PLEKHG4B: variants seen among roughly 807,000 people sequenced by gnomAD.
PLEKHG4B encodes the protein pleckstrin homology domain-containing family G member 4B.
A neutral mutation model predicts 121.3 loss-of-function variants in PLEKHG4B; 111 were observed. The ratio of observed to expected loss-of-function variants is 0.92; its 90% CI spans 0.78 to 1.07. The LOEUF (loss-of-function observed/expected upper bound fraction) is 1.07. Among genes scored for constraint, PLEKHG4B ranks in the 50% least tolerant of loss-of-function variants. The probability of loss-of-function intolerance (pLI) is 0.00; values close to 1 mark genes in which losing one functional copy is unlikely to be tolerated. For missense variants in PLEKHG4B, 1,831 were observed against 1,757.8 expected, an observed-to-expected ratio of 1.04 and a Z score of -0.74; for synonymous variants, 738 against 725.0, an observed-to-expected ratio of 1.02 and a Z score of -0.29.
rs1553984840 is a variant in PLEKHG4B, at chr5:133,941, C to CAT, written c.244-5533_244-5532dup. Among the ~76,000 whole-genome samples the CAT allele has an allele frequency of 2.9e-3, 420 of 146,346 alleles. 4 individuals are homozygous for CAT. The highest frequency in any genetic ancestry group is 0.01 in the African/African-American group (405 of 39,168). On this transcript the variant is annotated intron_variant, in intron 2 of 19. Coordinates refer to ENST00000637938, the MANE Select transcript of PLEKHG4B (RefSeq NM_052909.5). ...ACACACGCACACACACACACACACA[C>CAT]ATATATATATGGTGGAATATATATA...
chr5:170,904 C>T, intron 14 of PLEKHG4B, 139 bp from the exon 15 acceptor site: 1 of 652,774 alleles, frequency 1.5e-6, no homozygotes, highest in Non-Finnish European at 2.7e-6. Context: ...GCCGAGTCTC[C>T]CTTTCACCTG....
At position 130,580 on chromosome 5, in the gene PLEKHG4B, G is replaced by A. The variant is rs1734750384; in HGVS notation, c.244-8903G>A. ...CTGTTAATTGTCTCAGGAATTTCAGGCTCCTGGACAGCTTTGTGAAAGCTC... is the reference window on the plus strand; with the variant it reads ...CTGTTAATTGTCTCAGGAATTTCAGACTCCTGGACAGCTTTGTGAAAGCTC... On this transcript the variant is annotated intron_variant, in intron 2 of 19. Coordinates refer to ENST00000637938, the MANE Select transcript of PLEKHG4B (RefSeq NM_052909.5). 3.3e-5 allele frequency among the ~76,000 whole-genome samples: 5 copies of A among 152,154 alleles called. No individual in the cohort carries two copies. The South Asian group carries it at 8.3e-4, about 25-fold the overall frequency.
intron 2 of PLEKHG4B, among the ~76,000 whole-genome samples, chr5:127,079 A>G (rs973464003): frequency 6.6e-6 from 1 of 152,196 alleles, no homozygotes; most frequent in African/African-American, 2.4e-5. Flanking sequence ...AAAGAAGGGA[A>G]GACGGAGCTG....
intron 1 of PLEKHG4B, among the ~76,000 whole-genome samples, chr5:107,135 C>T (rs1733997405): frequency 6.6e-6 from 1 of 152,218 alleles, no homozygotes; most frequent in African/African-American, 2.4e-5. Context: ...TAATGCTCAG[C>T]CAACTGTAAA....
chr5:94,925 T>A (rs1418898735), intron 1 of PLEKHG4B, among the ~76,000 whole-genome samples: 1 of 152,128 alleles, frequency 6.6e-6, no homozygotes, highest in African/African-American at 2.4e-5. Context: ...AGAGTCAAAC[T>A]TGAAAAGAGA....
intron 2 of PLEKHG4B, among the ~76,000 whole-genome samples, chr5:123,226 G>A (rs912962768): frequency 6.6e-6 from 1 of 151,498 alleles, no homozygotes; most frequent in African/African-American, 2.4e-5. Context: ...TGACTACAGT[G>A]TTATTAAACC....
At chr5:147,880 G>T (rs775924683) in intron 6 of PLEKHG4B, among the ~76,000 whole-genome samples, 4 of 152,122 alleles carry the variant, frequency 2.6e-5, no homozygotes, top group Admixed American at 6.5e-5. Context: ...AGGCTGAAAG[G>T]ATTATACACC....
chr5:178,234 C>T (rs375101065), intron 18 of PLEKHG4B, among the ~76,000 whole-genome samples: 104 of 152,338 alleles, frequency 6.8e-4, no homozygotes, highest in South Asian at 6.2e-3. Context: ...CATCAGGAAA[C>T]GCCCTCTCCC....
intron 1 of PLEKHG4B, among the ~76,000 whole-genome samples, chr5:96,202 C>A (rs1273700301): frequency 6.6e-6 from 1 of 152,200 alleles, no homozygotes; most frequent in Non-Finnish European, 1.5e-5. Context: ...CCCTGGTCCT[C>A]ACCTTAATCA....
At position 115,305 on chromosome 5, in the gene PLEKHG4B, A is replaced by C. The variant is rs559951042; in HGVS notation, c.243+1857A>C. On this transcript the variant is annotated intron_variant, in intron 2 of 19. Coordinates refer to ENST00000637938, the MANE Select transcript of PLEKHG4B (RefSeq NM_052909.5). ...TCTCAACAGTGGGCTTAAAATATCGAGTAAACCATGCTGTAAACAGACGTG... is the reference window on the plus strand; with the variant it reads ...TCTCAACAGTGGGCTTAAAATATCGCGTAAACCATGCTGTAAACAGACGTG... Among the ~76,000 whole-genome samples, 3 of 152,320 alleles carry C rather than the reference A, an allele frequency of 2.0e-5. No individual in the cohort carries two copies. The South Asian group carries it at 6.2e-4, about 32-fold the overall frequency.
At position 140,597 on chromosome 5, in the gene PLEKHG4B, C is replaced by T. The variant is rs370207841; in HGVS notation, c.1358C>T (p.Ala453Val). 1.3e-4 allele frequency: 217 copies of T among 1,610,380 alleles called. No homozygotes were observed. Among genetic ancestry groups the T allele is most frequent in the Non-Finnish European group, 1.8e-4 (208 of 1,178,784 alleles). ...APRSSRGAQA[A>V]ACHTSHHSAG... ...AGAAGCTCCAGAGGGGCCCAGGCTG[C>T]AGCCTGCCACACCTCCCACCACTCA... Residue 453 changes from alanine to valine, a missense_variant, in exon 3 of 20, where the codon GCA becomes GTA. Transcript: ENST00000637938.
chr5:154,844 G>C, intron 7 of PLEKHG4B, 31 bp from the exon 8 acceptor site: 1 of 1,549,678 alleles, frequency 6.5e-7, no homozygotes, highest in East Asian at 2.2e-5. Context: ...TGCATCTGGA[G>C]CCATGACCAA....
At chr5:161,978 C>T in intron 12 of PLEKHG4B, 34 bp downstream of exon 12, 1 of 1,576,940 alleles carries the variant, frequency 6.3e-7, no homozygotes. Context: ...TCCCAGGGAT[C>T]CCGGCTCCTT....
At chr5:111,466 T>C (rs115247878) in intron 1 of PLEKHG4B, among the ~76,000 whole-genome samples, 9 of 152,340 alleles carry the variant, frequency 5.9e-5, no homozygotes, top group African/African-American at 1.9e-4. Context: ...TCCTTCCTTA[T>C]GTCGGGCGGT....
intron 1 of PLEKHG4B, among the ~76,000 whole-genome samples, chr5:101,436 A>G (rs1210274376): frequency 1.6e-5 from 2 of 125,480 alleles, no homozygotes; most frequent in South Asian, 2.3e-4. Flanking sequence ...AGGTAAATCC[A>G]TATAAAGCCC....
chr5:162,567 G>A (rs922547515), intron 12 of PLEKHG4B, among the ~76,000 whole-genome samples, 155 bp from the exon 13 acceptor site: 2 of 152,252 alleles, frequency 1.3e-5, no homozygotes, highest in East Asian at 1.9e-4. Flanking sequence ...CGCTGAACCC[G>A]GCCACAGCCC....
chr5:171,301 C>T lies in PLEKHG4B; in HGVS notation c.3907C>T (p.Leu1303Phe). The T allele has an allele frequency of 6.2e-7, 1 of 1,612,504 alleles. No homozygotes were observed. Among genetic ancestry groups the T allele is most frequent in the Non-Finnish European group, 8.5e-7 (1 of 1,179,748 alleles). Residue 1303 changes from leucine to phenylalanine, a missense_variant, in exon 16 of 20, where the codon CTC (leucine) becomes TTC (phenylalanine). Transcript: ENST00000637938. ...GCGTGTGGCCAAGTACGCGCTGCTA[C>T]TCCAGGACCTGCTCAAGGAGGCCAG... is the stretch of plus-strand genomic sequence containing the variant. The part of the protein sequence containing the change: ...VQRVAKYALL[L>F]QDLLKEASCG...
intron 3 of PLEKHG4B, 120 bp downstream of exon 3, chr5:140,836 C>T: frequency 1.4e-6 from 1 of 698,660 alleles, no homozygotes; most frequent in Non-Finnish European, 2.2e-6. Context: ...CCCTGCACAC[C>T]ACCACAACCT....
Position 149,162 on chromosome 5 carries a change from A to G in PLEKHG4B, c.1906-2351A>G, listed in dbSNP as rs150845287. Among the ~76,000 whole-genome samples, 1,265 of 152,328 alleles carry G rather than the reference A, an allele frequency of 8.3e-3. 55 individuals are homozygous for G. The highest frequency in any genetic ancestry group is 0.07 in the Admixed American group (1,074 of 15,292). Reference sequence around the variant, plus strand: ...AAGTTTTCTAACATTGGATTTGGCAATGATTTATTAGATATAATATCAGAG... The same window carrying G: ...AAGTTTTCTAACATTGGATTTGGCAGTGATTTATTAGATATAATATCAGAG... On this transcript the variant is annotated intron_variant, in intron 6 of 19. Transcript: ENST00000637938.
Sources: allele counts gnomAD v4.1 joint callset (sites outside exome capture counted in the v4.1 genomes callset), GRCh38; gene constraint gnomAD v4.1.1; transcripts MANE v1.5; gene names NCBI Gene and HGNC (gene_info 2026-07-23, HGNC 2026-07-21).